STK39: variants seen among roughly 807,000 people sequenced by gnomAD.
The protein encoded by STK39 is serine/threonine kinase 39, also known as STE20/SPS1-related proline-alanine-rich protein kinase.
STK39 carries 20 observed loss-of-function variants against 77.8 expected under a neutral mutation model. The ratio of observed to expected loss-of-function variants is 0.26; its 90% CI spans 0.18 to 0.37. The LOEUF is 0.37. Ranked by LOEUF, STK39 falls within the 10% of genes least tolerant of loss-of-function variation. STK39 has a pLI of 1.00. For synonymous variants in STK39, 246 were observed against 234.1 expected (o/e 1.05, Z -0.47); for missense variants, 479 against 656.5 (o/e 0.73, Z 2.95).
chr2:168,082,465 CT>C (rs1489165769), intron 10 of STK39, among the ~76,000 whole-genome samples: 9 of 152,196 alleles, frequency 5.9e-5, no homozygotes, highest in Non-Finnish European at 1.2e-4. Flanking sequence ...TAATGACTTC[CT>C]AATAGTGTAA....
intron 1 of STK39, among the ~76,000 whole-genome samples, chr2:168,193,751 G>C: frequency 6.6e-6 from 1 of 152,228 alleles, no homozygotes; most frequent in Non-Finnish European, 1.5e-5. Flanking sequence ...ACCTGGGTGT[G>C]CTGTGAAAAC....
intron 14 of STK39, among the ~76,000 whole-genome samples, chr2:168,050,424 AT>A (rs767450061): frequency 1.3e-5 from 2 of 152,194 alleles, no homozygotes; most frequent in African/African-American, 2.4e-5. Flanking sequence ...GCAAAAAGGG[AT>A]TTGGTAGATG....
chr2:168,006,100 C>A (rs1684126845), intron 16 of STK39, among the ~76,000 whole-genome samples: 2 of 152,182 alleles, frequency 1.3e-5, no homozygotes, highest in Non-Finnish European at 2.9e-5. Context: ...ACATATGTTG[C>A]TACAAAGCTA....
chr2:168,241,210 AAAG>A (rs1488824273), intron 1 of STK39, among the ~76,000 whole-genome samples: 2 of 152,210 alleles, frequency 1.3e-5, no homozygotes, highest in Admixed American at 6.5e-5. Flanking sequence ...GCAAAGAGGG[AAAG>A]AAGGAGACAG....
rs765655968 is a variant in STK39 at position 168,140,272 on chromosome 2, T to G, written c.840+17A>C. ...ATCACATTTCAACCCCGATGTAGTA[T>G]TTCCAATTGTAATTACTTTCATGGG... On this transcript the variant is annotated intron_variant, in intron 7 of 17. Coordinates refer to ENST00000355999, the MANE Select transcript of STK39 (RefSeq NM_013233.3). 6.3e-7 allele frequency: 1 copy of G among 1,575,106 alleles called. No homozygotes were observed. Among genetic ancestry groups the G allele is most frequent in the South Asian group, 1.1e-5 (1 of 90,274 alleles).
At position 168,050,934 on chromosome 2, in the gene STK39, C is replaced by T. The variant is rs545860257; in HGVS notation, c.1376+12566G>A. On this transcript the variant is annotated intron_variant, in intron 14 of 17. Transcript: ENST00000355999. ...AGGAGAATAAAGTTTTCTAGCACTT[C>T]GGGGATTGCTAAATAAAGTTTAAAT... 2.6e-5 allele frequency among the ~76,000 whole-genome samples: 4 copies of T among 152,266 alleles called. No individual in the cohort carries two copies. The East Asian group carries it at 5.8e-4, about 22-fold the overall frequency.
chr2:167,954,339 A>T lies in STK39; in HGVS notation c.*1157T>A, dbSNP rs199942156. On this transcript the variant is annotated 3_prime_UTR_variant, in exon 18 of 18. Transcript: ENST00000355999. ...AAGGTTTACTAGTTCCATAATATAC[A>T]GTCAAGCAGAGGGCTACTTGGGTTG... 6.6e-6 allele frequency: 1 copy of T among 152,632 alleles called. No homozygotes were observed. The highest frequency in any genetic ancestry group is 2.4e-5 in the African/African-American group (1 of 41,454). The allele number at this position is 152,632 out of a possible 1,614,324, so 9.5% of individuals were successfully genotyped here.
intron 5 of STK39, among the ~76,000 whole-genome samples, chr2:168,151,198 CTT>C (rs1688272439): frequency 1.3e-5 from 2 of 152,192 alleles, no homozygotes; most frequent in African/African-American, 4.8e-5. Context: ...TCATAACCTT[CTT>C]TGAAACATCA....
chr2:168,053,538 C>T (rs1045370342), intron 14 of STK39, among the ~76,000 whole-genome samples: 11 of 152,084 alleles, frequency 7.2e-5, no homozygotes, highest in African/African-American at 1.7e-4. Context: ...TGACCATTTA[C>T]GGCTTGAAAA....
intron 14 of STK39, among the ~76,000 whole-genome samples, chr2:168,023,525 G>A (rs891854818): frequency 3.3e-5 from 5 of 152,106 alleles, no homozygotes; most frequent in Admixed American, 1.3e-4. Flanking sequence ...TTAATGTACC[G>A]TGTCAGGACA....
chr2:168,021,501 T>A (rs1029767275), intron 14 of STK39, among the ~76,000 whole-genome samples: 2 of 152,286 alleles, frequency 1.3e-5, no homozygotes, highest in Admixed American at 6.5e-5. Flanking sequence ...ACTTAACACC[T>A]TTAATTGAAA....
At chr2:168,230,912 CTT>C (rs1690437655) in intron 1 of STK39, among the ~76,000 whole-genome samples, 1 of 152,152 alleles carries the variant, frequency 6.6e-6, no homozygotes. Flanking sequence ...GTGTAGTAGT[CTT>C]TGCTTCGGAA....
intron 16 of STK39, among the ~76,000 whole-genome samples, chr2:168,001,395 A>T (rs989203815): frequency 2.0e-5 from 3 of 152,070 alleles, no homozygotes; most frequent in Admixed American, 6.6e-5. Context: ...ACCAGTCCAG[A>T]TCTCTCGTTT....
At chr2:168,029,723 G>A (rs77693709) in intron 14 of STK39, among the ~76,000 whole-genome samples, 5,449 of 152,266 alleles carry the variant, frequency 0.036, 348 homozygotes, top group African/African-American at 0.12. Context: ...GGTATTTGAA[G>A]GGGTCTGAAA....
At chr2:168,178,006 C>G (rs1191265322) in intron 2 of STK39, among the ~76,000 whole-genome samples, 1 of 152,198 alleles carries the variant, frequency 6.6e-6, no homozygotes, top group Non-Finnish European at 1.5e-5. Context: ...AGTCCATGGT[C>G]TCCCCCAAAA....
At chr2:168,021,253 T>C (rs1273955829) in intron 14 of STK39, among the ~76,000 whole-genome samples, 2 of 152,150 alleles carry the variant, frequency 1.3e-5, no homozygotes, top group Non-Finnish European at 2.9e-5. Context: ...CAAAAAGTAA[T>C]ATCCAACACC....
chr2:168,235,688 AGT>A (rs1690585571), intron 1 of STK39, among the ~76,000 whole-genome samples: 1 of 140,964 alleles, frequency 7.1e-6, no homozygotes, highest in South Asian at 2.2e-4. Flanking sequence ...CCCACCTATG[AGT>A]GAGAACATGC....
chr2:168,052,310 T>C (rs6433032), intron 14 of STK39, among the ~76,000 whole-genome samples: 115,367 of 152,184 alleles, frequency 0.76, 43,973 homozygotes, highest in Admixed American at 0.82. Context: ...AACTTTTGCT[T>C]TATTCTCATG....
intron 16 of STK39, among the ~76,000 whole-genome samples, chr2:167,988,827 T>C (rs936752987): frequency 1.3e-5 from 2 of 152,110 alleles, no homozygotes; most frequent in Non-Finnish European, 2.9e-5. Context: ...CTAGAAAGCA[T>C]ATGGAACAAA....
Sources: gnomAD v4.1 joint callset for allele counts (sites outside exome capture counted in the v4.1 genomes callset) on GRCh38, gnomAD v4.1.1 for gene constraint, MANE v1.5 for transcripts, NCBI Gene and HGNC (gene_info 2026-07-23, HGNC 2026-07-21) for gene names.